CWC27: variants seen among roughly 807,000 people sequenced by gnomAD.
CWC27 encodes CWC27 spliceosome associated cyclophilin.
CWC27 carries 47 observed loss-of-function variants against 63.6 expected under a neutral mutation model. The ratio of observed to expected loss-of-function variants is 0.74; its 90% CI spans 0.58 to 0.94. CWC27 has a LOEUF of 0.94. CWC27 is among the 40% of genes least tolerant of loss of function. The pLI, the probability that CWC27 is intolerant of heterozygous loss-of-function variation, is 0.00. For missense variants in CWC27, 495 were observed against 554.3 expected (o/e 0.89, Z 1.07); for synonymous variants, 175 against 179.8 (o/e 0.97, Z 0.22).
chr5:65,018,514 A>T lies in CWC27; in HGVS notation c.*193A>T, dbSNP rs1346082994. 4.5e-6 allele frequency: 2 copies of T among 445,364 alleles called. No homozygotes were observed. Among genetic ancestry groups the T allele is most frequent in the Non-Finnish European group, 7.8e-6 (2 of 257,718 alleles). 27.6% of individuals were successfully genotyped at this position (445,364 alleles called of 1,614,324 possible). A position where few individuals can be genotyped will look rare whatever the true frequency, so the allele number is the denominator to read the frequency against. ...AGCAAATGCTTTTGGTTACTGGTAC[A>T]TGTGTTTTTTCCTAGCTGACCTTTT... On this transcript the variant is annotated 3_prime_UTR_variant, in exon 14 of 14. Transcript: ENST00000381070.
chr5:64,841,779 G>A (rs950713787), intron 10 of CWC27, among the ~76,000 whole-genome samples: 11 of 152,098 alleles, frequency 7.2e-5, no homozygotes, highest in African/African-American at 1.9e-4. Context: ...GGATTCAGGC[G>A]ATTCTCCTGC....
At chr5:64,783,589 C>T (rs541763815) in intron 3 of CWC27, among the ~76,000 whole-genome samples, 1 of 152,264 alleles carries the variant, frequency 6.6e-6, no homozygotes, top group African/African-American at 2.4e-5. Flanking sequence ...GGGTACTCTT[C>T]CTTTAGATGT....
chr5:64,905,611 A>G (rs1747618950), intron 11 of CWC27, among the ~76,000 whole-genome samples: 1 of 152,124 alleles, frequency 6.6e-6, no homozygotes, highest in South Asian at 2.1e-4. Flanking sequence ...AATGCTCAAA[A>G]TTTTTTTACA....
chr5:64,942,848 A>G (rs1748512929), intron 11 of CWC27, among the ~76,000 whole-genome samples: 2 of 152,238 alleles, frequency 1.3e-5, no homozygotes, highest in African/African-American at 4.8e-5. Context: ...GCCTGTGCAT[A>G]TAATGCCACA....
chr5:64,930,818 C>T (rs945219743), intron 11 of CWC27, among the ~76,000 whole-genome samples: 8 of 152,102 alleles, frequency 5.3e-5, no homozygotes, highest in Admixed American at 2.6e-4. Flanking sequence ...CTTAACAGTA[C>T]CCTGAGAAGA....
rs191436980 is a variant in CWC27 at position 64,844,999 on chromosome 5, T to C, written c.939-40444T>C. 6.3e-3 allele frequency: 2,859 copies of C among 456,664 alleles called. 72 individuals are homozygous for C. The highest frequency in any genetic ancestry group is 0.046 in the Admixed American group (1,963 of 42,578). The allele number at this position is 456,664 out of a possible 1,614,324, so 28.3% of individuals were successfully genotyped here. A position where few individuals can be genotyped will look rare whatever the true frequency, so the allele number is the denominator to read the frequency against. On this transcript the variant is annotated intron_variant, in intron 10 of 13. Coordinates refer to ENST00000381070, the MANE Select transcript of CWC27 (RefSeq NM_005869.4). Reference sequence around the variant, plus strand: ...AGATCTCAAATAGCAGAATTGCCCATCCAGGGAATACAACTTGCAACTGGC... The same window carrying C: ...AGATCTCAAATAGCAGAATTGCCCACCCAGGGAATACAACTTGCAACTGGC...
intron 1 of CWC27, among the ~76,000 whole-genome samples, chr5:64,774,266 T>C (rs1743362291): frequency 6.6e-6 from 1 of 152,124 alleles, no homozygotes; most frequent in Non-Finnish European, 1.5e-5. Context: ...AGTGATCCTC[T>C]CAACTCGGCC....
intron 11 of CWC27, among the ~76,000 whole-genome samples, chr5:64,911,191 C>T (rs1561153329): frequency 6.6e-6 from 1 of 152,230 alleles, no homozygotes; most frequent in Non-Finnish European, 1.5e-5. Context: ...TGTTAACAAT[C>T]ATTCCATTTT....
chr5:64,922,196 A>G (rs7713350), intron 11 of CWC27, among the ~76,000 whole-genome samples: 14,859 of 152,134 alleles, frequency 0.098, 2,249 homozygotes, highest in African/African-American at 0.32. Context: ...GATTGGAAAC[A>G]TTTTCATGGA....
intron 7 of CWC27, among the ~76,000 whole-genome samples, chr5:64,792,024 T>C (rs947166544): frequency 6.6e-6 from 1 of 152,138 alleles, no homozygotes; most frequent in African/African-American, 2.4e-5. Context: ...CTCCCCTCTC[T>C]TCTTTTCCTT....
chr5:64,834,964 T>G, intron 10 of CWC27, among the ~76,000 whole-genome samples: 1 of 151,760 alleles, frequency 6.6e-6, no homozygotes, highest in South Asian at 2.1e-4. Context: ...TTCTGGAGAT[T>G]GCATAGTATA....
chr5:64,931,648 C>T (rs1204212197), intron 11 of CWC27, among the ~76,000 whole-genome samples: 3 of 151,972 alleles, frequency 2.0e-5, no homozygotes, highest in Non-Finnish European at 4.4e-5. Context: ...TCTCCCCCTT[C>T]CCAAAACTAC....
chr5:64,945,304 T>G (rs150405256), intron 11 of CWC27, among the ~76,000 whole-genome samples: 66 of 152,298 alleles, frequency 4.3e-4, no homozygotes, highest in African/African-American at 1.5e-3. Context: ...CCCAGTAAAA[T>G]TTTTGTCCGT....
chr5:64,884,161 A>T (rs1747011219), intron 10 of CWC27: 1 of 152,158 alleles, frequency 6.6e-6, no homozygotes, highest in African/African-American at 2.4e-5. Context: ...TCCAGTTTGA[A>T]TAGATAGCCA....
At chr5:64,947,549 C>G (rs530316519) in intron 11 of CWC27, among the ~76,000 whole-genome samples, 1 of 152,186 alleles carries the variant, frequency 6.6e-6, no homozygotes, top group South Asian at 2.1e-4. Context: ...AGCTAAAAGT[C>G]TAATCAGAAT....
At chr5:64,885,413 T>C (rs770663203) in intron 10 of CWC27, 30 bp from the exon 11 acceptor site, 17 of 1,463,416 alleles carry the variant, frequency 1.2e-5, no homozygotes, top group East Asian at 4.8e-5. Flanking sequence ...CAATATATTA[T>C]ATACTTATAT....
intron 11 of CWC27, among the ~76,000 whole-genome samples, chr5:64,953,999 CT>C (rs1172291117): frequency 4.0e-5 from 6 of 151,480 alleles, no homozygotes; most frequent in South Asian, 2.1e-4. Context: ...AATTCCTTTC[CT>C]TTTTTTTTAA....
intron 13 of CWC27, 143 bp from the exon 14 acceptor site, chr5:65,018,016 T>C: frequency 1.5e-6 from 1 of 664,030 alleles, no homozygotes; most frequent in Non-Finnish European, 2.4e-6. Flanking sequence ...TTGGTTTCCA[T>C]GTGGTGTAAG....
At chr5:64,868,412 T>TA (rs1746582874) in intron 10 of CWC27, among the ~76,000 whole-genome samples, 1 of 152,098 alleles carries the variant, frequency 6.6e-6, no homozygotes, top group Non-Finnish European at 1.5e-5. Context: ...AAGTAACTAA[T>TA]TCTGTTTATC....
Sources: allele counts gnomAD v4.1 joint callset (sites outside exome capture counted in the v4.1 genomes callset), GRCh38; gene constraint gnomAD v4.1.1; transcripts MANE v1.5; gene names NCBI Gene and HGNC (gene_info 2026-07-23, HGNC 2026-07-21).